Variants in KCNH1 observed in about 807,000 individuals in gnomAD.
KCNH1 encodes the protein potassium voltage-gated channel subfamily H member 1.
KCNH1 carries 27 observed loss-of-function variants against 69.2 expected under a neutral mutation model. That is an observed-to-expected ratio of 0.39 (90% confidence interval 0.29 to 0.54). The LOEUF is 0.54. Among genes scored for constraint, KCNH1 ranks in the 20% least tolerant of loss-of-function variants. KCNH1 has a pLI of 0.68. For synonymous variants in KCNH1, 456 were observed against 487.7 expected, an observed-to-expected ratio of 0.93 and a Z score of 0.86; for missense variants, 798 against 1,261.6, an observed-to-expected ratio of 0.63 and a Z score of 5.57.
intron 1 of KCNH1, among the ~76,000 whole-genome samples, chr1:211,124,505 G>A (rs61848609): frequency 0.044 from 6,635 of 152,296 alleles, 233 homozygotes; most frequent in Non-Finnish European, 0.073. Context: ...TTAGCTGGGC[G>A]TGGTGGCGGG....
intron 5 of KCNH1, among the ~76,000 whole-genome samples, chr1:211,060,419 A>AAAAAAAAAAAAAAAAAAC (rs1690414352): frequency 6.7e-6 from 1 of 148,768 alleles, no homozygotes; most frequent in Non-Finnish European, 1.5e-5. Flanking sequence ...AAAAAAAAAA[A>AAAAAAAAAAAAAAAAAAC]AAAAAAGAAA....
At chr1:210,946,974 C>T (rs896676091) in intron 6 of KCNH1, among the ~76,000 whole-genome samples, 3 of 152,192 alleles carry the variant, frequency 2.0e-5, no homozygotes, top group African/African-American at 7.2e-5. Context: ...AAACTCCCCA[C>T]AGTGCAATAT....
At chr1:210,852,809 A>G (rs1405114607) in intron 7 of KCNH1, among the ~76,000 whole-genome samples, 1 of 152,230 alleles carries the variant, frequency 6.6e-6, no homozygotes, top group Non-Finnish European at 1.5e-5. Context: ...TCAAGAAAAG[A>G]TGTTAGAATT....
At chr1:210,692,651 G>C (rs1010568853) in intron 10 of KCNH1, among the ~76,000 whole-genome samples, 3 of 152,170 alleles carry the variant, frequency 2.0e-5, no homozygotes, top group African/African-American at 7.2e-5. Flanking sequence ...AGTGATGAAT[G>C]TCATTACAAG....
chr1:210,927,483 A>C (rs1687596431), intron 6 of KCNH1, among the ~76,000 whole-genome samples: 1 of 152,208 alleles, frequency 6.6e-6, no homozygotes, highest in Non-Finnish European at 1.5e-5. Flanking sequence ...TGAAGGAAAG[A>C]TGCAATCTTT....
At chr1:211,087,834 C>G (rs1436879500) in intron 4 of KCNH1, among the ~76,000 whole-genome samples, 1 of 152,168 alleles carries the variant, frequency 6.6e-6, no homozygotes, top group African/African-American at 2.4e-5. Flanking sequence ...ATGGTGAGAA[C>G]TGGTACACCA....
chr1:211,053,609 T>A (rs1167691072), intron 5 of KCNH1, among the ~76,000 whole-genome samples: 4 of 152,226 alleles, frequency 2.6e-5, no homozygotes, highest in Non-Finnish European at 4.4e-5. Context: ...GAACCCCAAG[T>A]CTGTGCCATG....
intron 5 of KCNH1, among the ~76,000 whole-genome samples, chr1:211,022,370 C>T (rs765469794): frequency 1.3e-5 from 2 of 152,030 alleles, no homozygotes; most frequent in African/African-American, 4.8e-5. Flanking sequence ...ACTATAGAAT[C>T]GATAAAATAA....
chr1:210,833,722 G>T (rs1049860533), intron 7 of KCNH1, among the ~76,000 whole-genome samples: 2 of 152,076 alleles, frequency 1.3e-5, no homozygotes, highest in African/African-American at 4.8e-5. Flanking sequence ...CACAGCAAAA[G>T]AAACTACCAT....
chr1:210,854,587 A>T (rs755533370), intron 7 of KCNH1, among the ~76,000 whole-genome samples: 4 of 152,336 alleles, frequency 2.6e-5, no homozygotes, highest in Non-Finnish European at 5.9e-5. Context: ...GGCAAGTGGT[A>T]GCTGTCCACA....
chr1:211,052,555 T>C, intron 5 of KCNH1, among the ~76,000 whole-genome samples: 1 of 152,170 alleles, frequency 6.6e-6, no homozygotes, highest in East Asian at 1.9e-4. Flanking sequence ...ACTTTTCCCC[T>C]AGTCTGAGGA....
intron 7 of KCNH1, among the ~76,000 whole-genome samples, chr1:210,871,900 T>G (rs1392330175): frequency 1.1e-4 from 9 of 82,188 alleles, no homozygotes; most frequent in Non-Finnish European, 2.2e-5. Flanking sequence ...TGGGGACTGT[T>G]GTGGGGTGGG....
chr1:210,702,747 C>G (rs1189794970), intron 10 of KCNH1, among the ~76,000 whole-genome samples: 1 of 152,168 alleles, frequency 6.6e-6, no homozygotes, highest in Non-Finnish European at 1.5e-5. Flanking sequence ...GTGATTTGTG[C>G]TTCTAAGGAC....
chr1:210,976,660 T>C (rs1688617573), intron 6 of KCNH1, among the ~76,000 whole-genome samples: 1 of 149,058 alleles, frequency 6.7e-6, no homozygotes, highest in South Asian at 2.1e-4. Flanking sequence ...ACATGTATGT[T>C]TACTGCGGCA....
chr1:210,897,905 T>C (rs1284593791), intron 7 of KCNH1, among the ~76,000 whole-genome samples: 1 of 152,166 alleles, frequency 6.6e-6, no homozygotes, highest in Non-Finnish European at 1.5e-5. Flanking sequence ...CTATGGGCTC[T>C]AAGAGTGGGC....
chr1:210,912,877 T>G (rs1483193941), intron 7 of KCNH1, among the ~76,000 whole-genome samples: 1 of 152,140 alleles, frequency 6.6e-6, no homozygotes, highest in Non-Finnish European at 1.5e-5. Flanking sequence ...GGTCCCACCC[T>G]CAGGAAGCTT....
chr1:210,818,299 C>T (rs1305727466), intron 7 of KCNH1, among the ~76,000 whole-genome samples: 3 of 152,146 alleles, frequency 2.0e-5, no homozygotes, highest in Admixed American at 6.6e-5. Flanking sequence ...CCATAACTGA[C>T]TTTAAAGACG....
chr1:210,884,401 C>A (rs529405831), intron 7 of KCNH1, among the ~76,000 whole-genome samples: 2 of 152,178 alleles, frequency 1.3e-5, no homozygotes, highest in African/African-American at 2.4e-5. Context: ...TCTTAGTGAG[C>A]CTGTGAGAAT....
At position 210,804,178 on chromosome 1, in the gene KCNH1, G is replaced by C; in HGVS notation, c.1463-12C>G. The C allele has an allele frequency of 2.5e-6, 4 of 1,600,266 alleles. No individual in the cohort carries two copies. The highest frequency in any genetic ancestry group is 3.4e-6 in the Non-Finnish European group (4 of 1,172,224). On this transcript the variant is annotated splice_polypyrimidine_tract_variant and intron_variant, in intron 7 of 10. Coordinates refer to ENST00000271751, the MANE Select transcript of KCNH1 (RefSeq NM_172362.3). ...GGCATAGAGAAGTGCTAGAGGTGAG[G>C]AGGAGGAGCAAAAGAAGAAATAACA...
Sources: allele counts gnomAD v4.1 joint callset (sites outside exome capture counted in the v4.1 genomes callset), GRCh38; gene constraint gnomAD v4.1.1; transcripts MANE v1.5; gene names NCBI Gene and HGNC (gene_info 2026-07-23, HGNC 2026-07-21).